Variants in MAGI2 observed in about 807,000 individuals in gnomAD.
MAGI2 encodes the protein membrane-associated guanylate kinase, WW and PDZ domain-containing protein 2.
A neutral mutation model predicts 133.3 loss-of-function variants in MAGI2; 35 were observed. The ratio of observed to expected loss-of-function variants is 0.26; its 90% CI spans 0.20 to 0.35. The LOEUF (loss-of-function observed/expected upper bound fraction) is 0.35, where lower values mean the gene tolerates loss of function less well. MAGI2 is among the 10% of genes least tolerant of loss of function. The pLI, the probability that MAGI2 is intolerant of heterozygous loss-of-function variation, is 1.00. For missense variants in MAGI2, 1,636 were observed against 1,863.4 expected, an observed-to-expected ratio of 0.88 and a Z score of 2.25; for synonymous variants, 729 against 710.6, an observed-to-expected ratio of 1.03 and a Z score of -0.41.
intron 2 of MAGI2, among the ~76,000 whole-genome samples, chr7:79,005,675 CT>C (rs1807364329): frequency 6.6e-6 from 1 of 152,164 alleles, no homozygotes; most frequent in South Asian, 2.1e-4. Flanking sequence ...GATCTCCTTT[CT>C]TTCATGTCAC....
At chr7:79,060,020 C>A in intron 1 of MAGI2, among the ~76,000 whole-genome samples, 1 of 152,096 alleles carries the variant, frequency 6.6e-6, no homozygotes, top group East Asian at 1.9e-4. Context: ...GCTGCAGAAG[C>A]TTTGCCTTCA....
Position 78,223,447 on chromosome 7 carries a change from G to A in MAGI2, c.2048-22254C>T, listed in dbSNP as rs140702014. 4.6e-3 allele frequency among the ~76,000 whole-genome samples: 701 copies of A among 152,132 alleles called. 4 individuals carry two copies. Among genetic ancestry groups the A allele is most frequent in the African/African-American group, 0.016 (660 of 41,490 alleles). On this transcript the variant is annotated intron_variant, in intron 10 of 21. Transcript: ENST00000354212. Reference sequence around the variant, plus strand: ...ATATTCTTAAAGTACTTGTAAAGAGGGAAGACATAAATAGTGGTGACAGCA... The same window carrying A: ...ATATTCTTAAAGTACTTGTAAAGAGAGAAGACATAAATAGTGGTGACAGCA...
At position 78,385,520 on chromosome 7, in the gene MAGI2, A is replaced by T. The variant is rs143114826; in HGVS notation, c.1046-16307T>A. ...ATTTCTGACTCCCTATTTGGTATTA[A>T]TCTAAGGCATCATTGCTGCTTATTA... On this transcript the variant is annotated intron_variant, in intron 6 of 21. Coordinates refer to ENST00000354212, the MANE Select transcript of MAGI2 (RefSeq NM_012301.4). Among the ~76,000 whole-genome samples the T allele has an allele frequency of 4.2e-3, 646 of 152,320 alleles. 9 individuals carry two copies. Among genetic ancestry groups the T allele is most frequent in the African/African-American group, 8.7e-3 (360 of 41,576 alleles).
intron 1 of MAGI2, among the ~76,000 whole-genome samples, chr7:79,443,358 C>A (rs1848625636): frequency 6.6e-6 from 1 of 150,716 alleles, no homozygotes; most frequent in Admixed American, 6.6e-5. Flanking sequence ...TTGTTGTTCA[C>A]TGGGGTGACT....
intron 1 of MAGI2, among the ~76,000 whole-genome samples, chr7:79,037,235 G>C (rs141510015): frequency 3.1e-4 from 47 of 152,156 alleles, no homozygotes; most frequent in African/African-American, 1.1e-3. Context: ...AATGTTCCAT[G>C]GTCAAATAAA....
intron 2 of MAGI2, among the ~76,000 whole-genome samples, chr7:78,696,068 TG>T (rs983515577): frequency 6.6e-6 from 1 of 152,132 alleles, no homozygotes; most frequent in African/African-American, 2.4e-5. Flanking sequence ...CCTGAGTAGC[TG>T]GGACAACAGG....
At chr7:78,146,514 A>G (rs1313105259) in intron 16 of MAGI2, among the ~76,000 whole-genome samples, 1 of 152,160 alleles carries the variant, frequency 6.6e-6, no homozygotes, top group Non-Finnish European at 1.5e-5. Flanking sequence ...CCCTGTTGTC[A>G]CTTGTAGTCT....
chr7:78,573,284 T>A (rs796925740), intron 3 of MAGI2, among the ~76,000 whole-genome samples: 48 of 26,774 alleles, frequency 1.8e-3, no homozygotes, highest in African/African-American at 3.1e-3. Flanking sequence ...ATATATATAT[T>A]TATATAAATA....
intron 1 of MAGI2, among the ~76,000 whole-genome samples, chr7:79,031,513 A>T: frequency 6.6e-6 from 1 of 152,196 alleles, no homozygotes; most frequent in East Asian, 1.9e-4. Context: ...TTAAATGCTT[A>T]ATAAGCTGCA....
At chr7:78,480,783 A>C (rs1461255601) in intron 6 of MAGI2, among the ~76,000 whole-genome samples, 1 of 151,956 alleles carries the variant, frequency 6.6e-6, no homozygotes, top group Non-Finnish European at 1.5e-5. Flanking sequence ...AACAACAAAC[A>C]TACAGAGACT....
At chr7:79,064,206 A>C (rs1814077989) in intron 1 of MAGI2, among the ~76,000 whole-genome samples, 1 of 152,100 alleles carries the variant, frequency 6.6e-6, no homozygotes, top group Admixed American at 6.6e-5. Flanking sequence ...AATCTGCTGA[A>C]GATCTAGTGG....
intron 2 of MAGI2, among the ~76,000 whole-genome samples, chr7:78,938,040 A>C (rs1385896521): frequency 1.4e-5 from 2 of 142,182 alleles, no homozygotes; most frequent in African/African-American, 3.1e-5. Context: ...AGACAGTTTA[A>C]ATATTGTATG....
intron 6 of MAGI2, among the ~76,000 whole-genome samples, chr7:78,435,866 C>T (rs1473429538): frequency 6.6e-6 from 1 of 152,144 alleles, no homozygotes; most frequent in Non-Finnish European, 1.5e-5. Context: ...TCTGCTATCC[C>T]TTGCCTAAAA....
intron 1 of MAGI2, among the ~76,000 whole-genome samples, chr7:79,284,762 A>G (rs973724598): frequency 6.6e-6 from 1 of 152,108 alleles, no homozygotes; most frequent in Non-Finnish European, 1.5e-5. Context: ...ATTTGCATAC[A>G]TACAAACATA....
intron 1 of MAGI2, chr7:79,139,879 C>T (rs1310511992): frequency 6.6e-6 from 1 of 152,168 alleles, no homozygotes; most frequent in African/African-American, 2.4e-5. Context: ...TTCTTATTTA[C>T]AATCCTTTCA....
chr7:79,144,844 A>G (rs942721220), intron 1 of MAGI2, among the ~76,000 whole-genome samples: 2 of 152,188 alleles, frequency 1.3e-5, no homozygotes, highest in African/African-American at 4.8e-5. Flanking sequence ...TCCATTTTTA[A>G]CATGCCTTCC....
At chr7:78,055,867 G>T (rs572534268) in intron 21 of MAGI2, among the ~76,000 whole-genome samples, 1 of 152,166 alleles carries the variant, frequency 6.6e-6, no homozygotes, top group Non-Finnish European at 1.5e-5. Context: ...GCTCAGGAAG[G>T]GGGGCAATCC....
At chr7:79,011,573 A>C (rs1285708094) in intron 1 of MAGI2, among the ~76,000 whole-genome samples, 1 of 152,044 alleles carries the variant, frequency 6.6e-6, no homozygotes. Context: ...TACCTTATAA[A>C]CTTTTATCAG....
At chr7:78,884,575 A>G (rs952335089) in intron 2 of MAGI2, among the ~76,000 whole-genome samples, 1 of 152,188 alleles carries the variant, frequency 6.6e-6, no homozygotes, top group African/African-American at 2.4e-5. Flanking sequence ...AAAAATGCCC[A>G]ACATCACTAA....
Sources: allele counts gnomAD v4.1 joint callset (sites outside exome capture counted in the v4.1 genomes callset), GRCh38; gene constraint gnomAD v4.1.1; transcripts MANE v1.5; gene names NCBI Gene and HGNC (gene_info 2026-07-23, HGNC 2026-07-21).